The following PPP4R4 variants were observed in gnomAD, a reference collection of about 807,000 sequenced individuals.
The protein encoded by PPP4R4 is serine/threonine-protein phosphatase 4 regulatory subunit 4.
In PPP4R4, 70 loss-of-function variants were observed where a neutral mutation model predicts 121.8. That is an observed-to-expected ratio of 0.57 (90% CI 0.47 to 0.70). The LOEUF (loss-of-function observed/expected upper bound fraction) is 0.70. Ranked by LOEUF, PPP4R4 falls within the 30% of genes least tolerant of loss-of-function variation. The pLI is 0.00. For synonymous variants in PPP4R4, 348 were observed against 355.7 expected, an observed-to-expected ratio of 0.98 and a Z score of 0.24; for missense variants, 875 against 1,033.6, an observed-to-expected ratio of 0.85 and a Z score of 2.10.
chr14:94,193,042 T>A (rs537990714), intron 2 of PPP4R4, among the ~76,000 whole-genome samples: 1 of 152,340 alleles, frequency 6.6e-6, no homozygotes, highest in South Asian at 2.1e-4. Flanking sequence ...CAAAGATGTT[T>A]CTGAAAATGC....
intron 17 of PPP4R4, among the ~76,000 whole-genome samples, 199 bp downstream of exon 17, chr14:94,256,803 C>T (rs780773733): frequency 6.6e-6 from 1 of 152,122 alleles, no homozygotes; most frequent in Non-Finnish European, 1.5e-5. Flanking sequence ...AGACATTAAA[C>T]CTGTATTACT....
intron 11 of PPP4R4, 123 bp downstream of exon 11, chr14:94,242,531 A>G: frequency 1.0e-6 from 1 of 983,560 alleles, no homozygotes; most frequent in Non-Finnish European, 1.4e-6. Context: ...TCTAGTCTTA[A>G]ATCTTGTTTA....
At chr14:94,253,112 T>C (rs1445389860) in intron 16 of PPP4R4, among the ~76,000 whole-genome samples, 1 of 152,242 alleles carries the variant, frequency 6.6e-6, no homozygotes, top group African/African-American at 2.4e-5. Flanking sequence ...GCATATTTCT[T>C]GTGCTTTATA....
chr14:94,188,398 TATA>T (rs893012221), intron 2 of PPP4R4, among the ~76,000 whole-genome samples: 4 of 152,140 alleles, frequency 2.6e-5, no homozygotes, highest in African/African-American at 4.8e-5. Context: ...TCAGTTTTCT[TATA>T]ATGTCTTATT....
rs140702045 is a variant in PPP4R4, at chr14:94,220,478, A to G, written c.295-10109A>G. The stretch of plus-strand genomic sequence containing the variant: ...TAAAGCTGTCTTTTTTTTTTCTCAG[A>G]TAACATTATCATATGTAGGAACCTG... On this transcript the variant is annotated intron_variant, in intron 3 of 24. Transcript: ENST00000304338. Among the ~76,000 whole-genome samples the G allele has an allele frequency of 1.0e-3, 157 of 152,150 alleles. 2 individuals are homozygous for G. The highest frequency in any genetic ancestry group is 2.5e-3 in the South Asian group (12 of 4,822).
chr14:94,269,676 CAAAA>C (rs1894225065), intron 23 of PPP4R4, among the ~76,000 whole-genome samples: 1 of 150,524 alleles, frequency 6.6e-6, no homozygotes, highest in Non-Finnish European at 1.5e-5. Flanking sequence ...AAAACAAAAA[CAAAA>C]ACAAACAAAC....
At chr14:94,238,741 G>T (rs893207967) in intron 8 of PPP4R4, among the ~76,000 whole-genome samples, 8 of 152,124 alleles carry the variant, frequency 5.3e-5, no homozygotes, top group Non-Finnish European at 8.8e-5. Context: ...TATAATTATA[G>T]TATTACATTT....
chr14:94,239,769 A>G (rs1015432937), intron 8 of PPP4R4, among the ~76,000 whole-genome samples: 1 of 152,328 alleles, frequency 6.6e-6, no homozygotes, highest in South Asian at 2.1e-4. Flanking sequence ...TATACCAGCT[A>G]TTAAGACAGT....
At chr14:94,250,437 A>G (rs1279040932) in intron 15 of PPP4R4, among the ~76,000 whole-genome samples, 160 bp downstream of exon 15, 2 of 152,008 alleles carry the variant, frequency 1.3e-5, no homozygotes, top group Non-Finnish European at 2.9e-5. Flanking sequence ...GCAAGATTAG[A>G]TCTGTGATGA....
Position 94,199,470 on chromosome 14 carries a change from C to T in PPP4R4, c.192-8994C>T, listed in dbSNP as rs147752570. Among the ~76,000 whole-genome samples the T allele has an allele frequency of 8.5e-5, 13 of 152,166 alleles. No homozygotes were observed. The East Asian group carries it at 2.1e-3, about 25-fold the overall frequency. ...CTCTTTCAGTTTTGCTGTCCGTAGG[C>T]GGCTTGTGTTAGTCAGCTCAATTAG... is the stretch of plus-strand genomic sequence containing the variant. On this transcript the variant is annotated intron_variant, in intron 2 of 24. Transcript: ENST00000304338.
rs893238472 is a variant in PPP4R4 at position 94,207,510 on chromosome 14, CAT to C, written c.192-953_192-952del. On this transcript the variant is annotated intron_variant, in intron 2 of 24. Transcript: ENST00000304338. ...ATATTATTTTAAAAACTATGTAAAA[CAT>C]GTATTAAAGTCTTATGTACGTATAA... Among the ~76,000 whole-genome samples, 304 of 151,930 alleles carry C rather than the reference CAT, an allele frequency of 2.0e-3. 1 individual carries two copies. Among genetic ancestry groups the C allele is most frequent in the African/African-American group, 7.0e-3 (289 of 41,492 alleles).
At chr14:94,224,039 G>T (rs1225529697) in intron 3 of PPP4R4, among the ~76,000 whole-genome samples, 2 of 152,080 alleles carry the variant, frequency 1.3e-5, no homozygotes, top group Admixed American at 6.5e-5. Flanking sequence ...TATTTTGTTG[G>T]TATGACATTA....
chr14:94,178,099 CT>C (rs1222285305), intron 2 of PPP4R4, among the ~76,000 whole-genome samples: 7 of 152,218 alleles, frequency 4.6e-5, no homozygotes, highest in African/African-American at 1.7e-4. Flanking sequence ...CTGAAAGGGT[CT>C]TTCTTCCCTG....
intron 23 of PPP4R4, among the ~76,000 whole-genome samples, chr14:94,267,601 T>C (rs768091492): frequency 1.3e-5 from 2 of 152,226 alleles, no homozygotes; most frequent in East Asian, 1.9e-4. Context: ...CCACAGACTG[T>C]AATTTGCTGG....
intron 19 of PPP4R4, among the ~76,000 whole-genome samples, chr14:94,261,329 T>G (rs1351359151): frequency 6.6e-6 from 1 of 152,166 alleles, no homozygotes; most frequent in Non-Finnish European, 1.5e-5. Context: ...TTTGGCATTA[T>G]TATAAATGGA....
At chr14:94,248,662 G>T (rs1184828909) in intron 14 of PPP4R4, among the ~76,000 whole-genome samples, 2 of 152,126 alleles carry the variant, frequency 1.3e-5, no homozygotes, top group African/African-American at 4.8e-5. Context: ...AGAATCCATT[G>T]ATGATCCTTG....
intron 2 of PPP4R4, among the ~76,000 whole-genome samples, chr14:94,204,437 C>T (rs1890355102): frequency 6.6e-6 from 1 of 152,030 alleles, no homozygotes; most frequent in South Asian, 2.1e-4. Flanking sequence ...TTCTGTGGAT[C>T]TGTGTCTCTC....
chr14:94,258,990 C>A (rs1893625511), intron 18 of PPP4R4, among the ~76,000 whole-genome samples, 166 bp downstream of exon 18: 1 of 152,180 alleles, frequency 6.6e-6, no homozygotes, highest in African/African-American at 2.4e-5. Flanking sequence ...AGGAGCAAGT[C>A]ACATCTTACA....
chr14:94,175,772 A>G (rs1160130900), intron 1 of PPP4R4: 3 of 453,490 alleles, frequency 6.6e-6, no homozygotes, highest in Non-Finnish European at 1.2e-5. Context: ...GATTTCAGCC[A>G]AGGTTCTGAA....
Sources: gnomAD v4.1 joint callset for allele counts (sites outside exome capture counted in the v4.1 genomes callset) on GRCh38, gnomAD v4.1.1 for gene constraint, MANE v1.5 for transcripts, NCBI Gene and HGNC (gene_info 2026-07-23, HGNC 2026-07-21) for gene names.